Variants in SPAG17 observed in about 807,000 individuals in gnomAD.
SPAG17 encodes the protein sperm-associated antigen 17.
In SPAG17, 169 loss-of-function variants were observed where a neutral mutation model predicts 273.6. The ratio of observed to expected loss-of-function variants is 0.62; its 90% CI spans 0.55 to 0.70. SPAG17 has a LOEUF of 0.70. SPAG17 is among the 30% of genes least tolerant of loss of function. The pLI is 0.00. For synonymous variants in SPAG17, 825 were observed against 873.2 expected, an observed-to-expected ratio of 0.94 and a Z score of 0.97; for missense variants, 2,557 against 2,627.8, an observed-to-expected ratio of 0.97 and a Z score of 0.59.
rs746305012 is a variant in SPAG17 at position 117,994,459 on chromosome 1, T to C, written c.5125A>G (p.Ile1709Val). 22 of 1,612,960 alleles carry C rather than the reference T, an allele frequency of 1.4e-5. No homozygotes were observed. The highest frequency in any genetic ancestry group is 8.9e-5 in the East Asian group (4 of 44,838). Residue 1709 changes from isoleucine (I) to valine (V), a missense_variant, in exon 35 of 49, where the codon ATT becomes GTT. Ile to Val is a conservative substitution (Grantham distance 29, BLOSUM62 3). Coordinates refer to ENST00000336338, the MANE Select transcript of SPAG17 (RefSeq NM_206996.4). ...CTTGACCGGAGATTAGGAGGGACAATTGTATCTTCCTTTTTTACTTGCCAT... is the reference window on the plus strand; with the variant it reads ...CTTGACCGGAGATTAGGAGGGACAACTGTATCTTCCTTTTTTACTTGCCAT... ...SPWQVKKEDT[I>V]VPPNLRSRSW... is the part of the protein sequence containing the mutation.
At chr1:118,004,945 C>G (rs1232740040) in intron 32 of SPAG17, among the ~76,000 whole-genome samples, 1 of 152,138 alleles carries the variant, frequency 6.6e-6, no homozygotes, top group East Asian at 1.9e-4. Flanking sequence ...CAGCCATCTT[C>G]AGGATTGTGT....
chr1:117,996,551 T>C (rs1657685440), intron 33 of SPAG17, 47 bp downstream of exon 33: 2 of 1,602,406 alleles, frequency 1.2e-6, no homozygotes, highest in Admixed American at 1.7e-5. Flanking sequence ...GTTAAAATTC[T>C]CCTTGAACTC....
intron 42 of SPAG17, among the ~76,000 whole-genome samples, chr1:117,983,279 TTACCTCCCACCAGG>T (rs1306385552): frequency 7.2e-5 from 11 of 152,132 alleles, no homozygotes; most frequent in African/African-American, 2.7e-4. Context: ...CATGATTCAA[TTACCTCCCACCAGG>T]TACCTCCCAC....
At chr1:118,149,542 TGAC>T (rs1404450201) in intron 3 of SPAG17, among the ~76,000 whole-genome samples, 1 of 152,218 alleles carries the variant, frequency 6.6e-6, no homozygotes, top group African/African-American at 2.4e-5. Context: ...GTATATTATT[TGAC>T]TGCAAAAGCA....
At chr1:118,126,340 G>A (rs1657734765) in intron 3 of SPAG17, among the ~76,000 whole-genome samples, 1 of 149,812 alleles carries the variant, frequency 6.7e-6, no homozygotes, top group South Asian at 2.1e-4. Context: ...CGAGTAGCTG[G>A]AACTACAGGC....
chr1:118,038,230 A>T (rs548121857), intron 23 of SPAG17, among the ~76,000 whole-genome samples: 287 of 152,306 alleles, frequency 1.9e-3, no homozygotes, highest in African/African-American at 6.6e-3. Context: ...AAACAACAAG[A>T]TACCACTAGA....
At chr1:118,016,208 A>T in intron 28 of SPAG17, 26 bp from the exon 29 acceptor site, 1 of 1,553,628 alleles carries the variant, frequency 6.4e-7, no homozygotes, top group South Asian at 1.1e-5. Flanking sequence ...AAAATCAAAC[A>T]ACAACAATAT....
intron 4 of SPAG17, among the ~76,000 whole-genome samples, chr1:118,105,191 T>C (rs2102230397): frequency 6.6e-6 from 1 of 152,200 alleles, no homozygotes; most frequent in South Asian, 2.1e-4. Context: ...AAGTGAAGCA[T>C]GAGGCAAAGT....
rs1651757477 is a variant in SPAG17, at chr1:117,953,662, A to T, written c.*388T>A. The T allele has an allele frequency of 1.1e-6, 1 of 888,154 alleles. No individual in the cohort carries two copies. Among genetic ancestry groups the T allele is most frequent in the Non-Finnish European group, 1.7e-6 (1 of 580,250 alleles). 55.0% of individuals were successfully genotyped at this position (888,154 alleles called of 1,614,324 possible). A position where few individuals can be genotyped will look rare whatever the true frequency, so the allele number is the denominator to read the frequency against. ...GGCAAAAAGTTGATGAGATTTAAAG[A>T]TGGGGATTATAACCTGTTTCCTTCT... On this transcript the variant is annotated 3_prime_UTR_variant, in exon 49 of 49. Coordinates refer to ENST00000336338, the MANE Select transcript of SPAG17 (RefSeq NM_206996.4).
chr1:118,030,032 A>G (rs750868213), intron 25 of SPAG17, among the ~76,000 whole-genome samples: 18 of 152,188 alleles, frequency 1.2e-4, no homozygotes, highest in Non-Finnish European at 2.2e-4. Flanking sequence ...TCACCCTTCC[A>G]TTATCATTTA....
intron 3 of SPAG17, among the ~76,000 whole-genome samples, chr1:118,127,924 C>G (rs1657831210): frequency 6.6e-6 from 1 of 152,058 alleles, no homozygotes; most frequent in Non-Finnish European, 1.5e-5. Flanking sequence ...GAGACTGCGA[C>G]AATCCTGGCC....
chr1:118,138,267 ACTATGCG>A (rs559167002), intron 3 of SPAG17, among the ~76,000 whole-genome samples: 369 of 152,334 alleles, frequency 2.4e-3, no homozygotes, highest in Non-Finnish European at 3.8e-3. Context: ...AAAATTATTG[ACTATGCG>A]CTCTTGAGGG....
At chr1:117,964,699 T>G (rs1002988455) in intron 47 of SPAG17, 5 of 152,180 alleles carry the variant, frequency 3.3e-5, no homozygotes, top group Non-Finnish European at 5.9e-5. Flanking sequence ...TTGTCTGTCC[T>G]CCCACTGGAA....
intron 43 of SPAG17, among the ~76,000 whole-genome samples, chr1:117,974,960 G>T (rs958233740): frequency 3.9e-5 from 6 of 152,088 alleles, no homozygotes. Context: ...GCAAACTCCT[G>T]CCACACACAT....
chr1:117,971,171 A>G (rs1406060421), intron 45 of SPAG17, among the ~76,000 whole-genome samples: 1 of 152,240 alleles, frequency 6.6e-6, no homozygotes, highest in Non-Finnish European at 1.5e-5. Context: ...TTTTAATGGA[A>G]GTAATACCCA....
chr1:118,138,857 C>T (rs1257567340), intron 3 of SPAG17, among the ~76,000 whole-genome samples: 1 of 152,052 alleles, frequency 6.6e-6, no homozygotes, highest in Admixed American at 6.6e-5. Flanking sequence ...CATAAGGATA[C>T]AAAAAATGAA....
intron 1 of SPAG17, among the ~76,000 whole-genome samples, chr1:118,162,851 T>C (rs1429289016): frequency 6.6e-6 from 1 of 152,212 alleles, no homozygotes; most frequent in Non-Finnish European, 1.5e-5. Context: ...GTCTTATTTA[T>C]GTTTACATCC....
At chr1:118,096,405 A>C (rs1570685999) in intron 7 of SPAG17, among the ~76,000 whole-genome samples, 1 of 146,260 alleles carries the variant, frequency 6.8e-6, no homozygotes, top group South Asian at 2.2e-4. Flanking sequence ...ACACCCATCC[A>C]CCCTCCACAC....
intron 44 of SPAG17, among the ~76,000 whole-genome samples, chr1:117,972,820 TC>T (rs1654718773): frequency 1.3e-5 from 2 of 152,136 alleles, no homozygotes; most frequent in African/African-American, 4.8e-5. Context: ...CCAGAAGGTT[TC>T]CCAACAGAAC....
Sources: gnomAD v4.1 joint callset for allele counts (sites outside exome capture counted in the v4.1 genomes callset) on GRCh38, gnomAD v4.1.1 for gene constraint, MANE v1.5 for transcripts, NCBI Gene and HGNC (gene_info 2026-07-23, HGNC 2026-07-21) for gene names.